PCDH7: variants seen among roughly 807,000 people sequenced by gnomAD.
PCDH7 encodes the protein protocadherin 7.
In PCDH7, 17 loss-of-function variants were observed where a neutral mutation model predicts 58.9. That is an observed-to-expected ratio of 0.29 (90% CI 0.20 to 0.43). The LOEUF is 0.43. PCDH7 is among the 20% of genes least tolerant of loss of function. The pLI is 1.00. For synonymous variants in PCDH7, 664 were observed against 616.4 expected (o/e 1.08, Z -1.14); for missense variants, 1,274 against 1,441.0 (o/e 0.88, Z 1.88).
chr4:30,975,744 T>C (rs1427543928), intron 3 of PCDH7, among the ~76,000 whole-genome samples: 1 of 152,204 alleles, frequency 6.6e-6, no homozygotes, highest in Admixed American at 6.5e-5. Flanking sequence ...TCCTGAAAGT[T>C]CAATTATTTC....
intron 3 of PCDH7, among the ~76,000 whole-genome samples, chr4:30,956,289 A>G (rs764814743): frequency 3.3e-5 from 5 of 152,168 alleles, no homozygotes; most frequent in Non-Finnish European, 5.9e-5. Flanking sequence ...ACTATCAGAC[A>G]TAATAATACC....
intron 3 of PCDH7, among the ~76,000 whole-genome samples, chr4:31,078,078 T>A (rs974603069): frequency 6.6e-6 from 1 of 152,124 alleles, no homozygotes; most frequent in Admixed American, 6.6e-5. Context: ...ATTGGTGTGA[T>A]CTAACAGTGA....
intron 3 of PCDH7, among the ~76,000 whole-genome samples, chr4:31,136,739 A>G (rs1719646026): frequency 6.6e-6 from 1 of 152,152 alleles, no homozygotes; most frequent in East Asian, 1.9e-4. Flanking sequence ...TTGCCTGTCC[A>G]GTCTTCCTAA....
intron 1 of PCDH7, among the ~76,000 whole-genome samples, chr4:30,769,734 T>C (rs1165321010): frequency 2.0e-5 from 3 of 152,220 alleles, no homozygotes; most frequent in Non-Finnish European, 4.4e-5. Context: ...AAGGACTTTT[T>C]TCACTTTATG....
chr4:30,818,956 CT>C (rs1728023816), intron 1 of PCDH7, among the ~76,000 whole-genome samples: 1 of 152,128 alleles, frequency 6.6e-6, no homozygotes, highest in African/African-American at 2.4e-5. Flanking sequence ...GTAATTGTTT[CT>C]ATTCCTAACC....
At chr4:31,055,760 AGAG>A (rs1757113345) in intron 3 of PCDH7, among the ~76,000 whole-genome samples, 1 of 151,834 alleles carries the variant, frequency 6.6e-6, no homozygotes, top group African/African-American at 2.4e-5. Context: ...TATTTTTAGT[AGAG>A]GCGGGGTTTC....
intron 1 of PCDH7, among the ~76,000 whole-genome samples, chr4:30,766,360 T>C (rs1375100563): frequency 6.6e-6 from 1 of 152,104 alleles, no homozygotes; most frequent in Non-Finnish European, 1.5e-5. Flanking sequence ...GAAGGCTCCA[T>C]CTAAAAAAAT....
intron 3 of PCDH7, among the ~76,000 whole-genome samples, chr4:31,009,327 A>T (rs568400845): frequency 2.6e-5 from 4 of 152,074 alleles, no homozygotes; most frequent in Admixed American, 2.6e-4. Context: ...GAAATAGGGA[A>T]ACAGCTGTTT....
At chr4:31,059,624 C>T (rs1757528455) in intron 3 of PCDH7, among the ~76,000 whole-genome samples, 1 of 151,772 alleles carries the variant, frequency 6.6e-6, no homozygotes, top group Non-Finnish European at 1.5e-5. Context: ...TTGAGCTAGA[C>T]AGATGTACAT....
chr4:31,011,655 A>C (rs1433691088), intron 3 of PCDH7, among the ~76,000 whole-genome samples: 8 of 152,058 alleles, frequency 5.3e-5, no homozygotes, highest in Non-Finnish European at 1.2e-4. Context: ...AATTGTCTGA[A>C]TTGTTTTTAA....
At chr4:31,054,848 A>T (rs545011846) in intron 3 of PCDH7, among the ~76,000 whole-genome samples, 1 of 152,274 alleles carries the variant, frequency 6.6e-6, no homozygotes, top group East Asian at 1.9e-4. Context: ...AATTCATTGA[A>T]TATTTTCTTC....
chr4:30,960,258 A>C (rs1333921181), intron 3 of PCDH7, among the ~76,000 whole-genome samples: 3 of 152,088 alleles, frequency 2.0e-5, no homozygotes, highest in Non-Finnish European at 4.4e-5. Flanking sequence ...GAGCATGGAT[A>C]ATGGGTGCAA....
At chr4:31,072,934 G>C (rs962530460) in intron 3 of PCDH7, among the ~76,000 whole-genome samples, 1 of 152,058 alleles carries the variant, frequency 6.6e-6, no homozygotes, top group African/African-American at 2.4e-5. Context: ...TCAAAAGGCA[G>C]TATAATAAAT....
chr4:30,921,649 T>A (rs1743200730), intron 2 of PCDH7, among the ~76,000 whole-genome samples: 1 of 152,106 alleles, frequency 6.6e-6, no homozygotes, highest in Non-Finnish European at 1.5e-5. Flanking sequence ...TTTTGCCTTA[T>A]GGCTATAAAA....
intron 1 of PCDH7, chr4:30,725,108 T>C (rs1314476404): frequency 1.0e-6 from 1 of 1,000,158 alleles, no homozygotes; most frequent in Admixed American, 6.1e-5. Flanking sequence ...GCAGATGTAG[T>C]ACTAAGTCTG....
intron 3 of PCDH7, among the ~76,000 whole-genome samples, chr4:30,991,838 A>G (rs1487818833): frequency 2.0e-5 from 3 of 152,062 alleles, no homozygotes; most frequent in Admixed American, 6.6e-5. Context: ...AAATAGATAT[A>G]AGACAGTATT....
chr4:31,050,902 C>T (rs1756682698), intron 3 of PCDH7, among the ~76,000 whole-genome samples: 1 of 152,088 alleles, frequency 6.6e-6, no homozygotes, highest in Admixed American at 6.6e-5. Flanking sequence ...GGTCACTTCC[C>T]TGCTTCACAT....
chr4:31,034,370 G>T (rs899023512), intron 3 of PCDH7, among the ~76,000 whole-genome samples: 1 of 152,130 alleles, frequency 6.6e-6, no homozygotes, highest in Non-Finnish European at 1.5e-5. Flanking sequence ...GGAAATGATT[G>T]TTCATTATTA....
At chr4:30,724,085 T>G (rs2109228623) in exon 1 of PCDH7, 1 of 1,614,060 alleles carries the variant, frequency 6.2e-7, no homozygotes, top group Non-Finnish European at 8.5e-7. Flanking sequence ...GTTGCTGGCA[T>G]TATGACGGTG....
Sources: allele counts gnomAD v4.1 joint callset (sites outside exome capture counted in the v4.1 genomes callset), GRCh38; gene constraint gnomAD v4.1.1; transcripts MANE v1.5; gene names NCBI Gene and HGNC (gene_info 2026-07-23, HGNC 2026-07-21).